The following TBC1D22A variants were observed in gnomAD, a reference collection of about 807,000 sequenced individuals.
The protein encoded by TBC1D22A is putative GTPase activator.
Under a neutral mutation model 60.2 loss-of-function variants are expected in TBC1D22A, and 38 were observed. The ratio of observed to expected loss-of-function variants is 0.63; its 90% confidence interval spans 0.49 to 0.83. The LOEUF is 0.83. Ranked by LOEUF, TBC1D22A falls within the 40% of genes least tolerant of loss-of-function variation. The probability of loss-of-function intolerance (pLI) is 0.00; values close to 1 mark genes in which losing one functional copy is unlikely to be tolerated. For synonymous variants in TBC1D22A, 302 were observed against 281.7 expected (o/e 1.07, Z -0.72); for missense variants, 628 against 701.0 (o/e 0.90, Z 1.18).
chr22:46,878,812 C>A (rs1262616710), intron 5 of TBC1D22A, 89 bp downstream of exon 5: 3 of 1,272,834 alleles, frequency 2.4e-6, no homozygotes, highest in African/African-American at 2.9e-5. Flanking sequence ...ACAGCCACAG[C>A]CCACGGGTTT....
At chr22:47,079,248 A>G (rs1045122347) in intron 11 of TBC1D22A, among the ~76,000 whole-genome samples, 4 of 151,976 alleles carry the variant, frequency 2.6e-5, no homozygotes, top group Non-Finnish European at 5.9e-5. Context: ...CAGCATGCCC[A>G]GCTAACTTTT....
intron 4 of TBC1D22A, among the ~76,000 whole-genome samples, chr22:46,823,450 C>G (rs924576845): frequency 1.2e-4 from 19 of 152,234 alleles, no homozygotes; most frequent in African/African-American, 4.3e-4. Context: ...ATTTGAGGTC[C>G]CCTGGGAAGG....
At chr22:46,828,732 C>T (rs1270827297) in intron 4 of TBC1D22A, among the ~76,000 whole-genome samples, 1 of 152,180 alleles carries the variant, frequency 6.6e-6, no homozygotes, top group Admixed American at 6.5e-5. Context: ...GGCCTTCTCC[C>T]ACCCTCCTGT....
intron 8 of TBC1D22A, among the ~76,000 whole-genome samples, chr22:46,923,874 G>C (rs2070897805): frequency 6.6e-6 from 1 of 152,060 alleles, no homozygotes; most frequent in Non-Finnish European, 1.5e-5. Flanking sequence ...GCTCTATTGA[G>C]ATCATGTAGC....
intron 8 of TBC1D22A, among the ~76,000 whole-genome samples, chr22:46,964,198 G>A (rs1003590709): frequency 1.3e-5 from 2 of 152,228 alleles, no homozygotes; most frequent in African/African-American, 4.8e-5. Flanking sequence ...CATTCTTTGT[G>A]TGAAGCCTAC....
chr22:47,000,691 T>C (rs970870406), intron 10 of TBC1D22A, among the ~76,000 whole-genome samples: 1 of 152,094 alleles, frequency 6.6e-6, no homozygotes, highest in Non-Finnish European at 1.5e-5. Flanking sequence ...AGAGGGTGAC[T>C]GGAGCCACTG....
chr22:46,848,147 C>G (rs1054670638), intron 4 of TBC1D22A, among the ~76,000 whole-genome samples: 1 of 152,204 alleles, frequency 6.6e-6, no homozygotes, highest in African/African-American at 2.4e-5. Flanking sequence ...TCATTAAGAG[C>G]GGCTTTAAAG....
intron 4 of TBC1D22A, among the ~76,000 whole-genome samples, chr22:46,826,450 A>G (rs993477691): frequency 2.0e-5 from 3 of 152,230 alleles, no homozygotes; most frequent in Non-Finnish European, 2.9e-5. Flanking sequence ...GCCTATTTTT[A>G]AGACTTGATC....
intron 4 of TBC1D22A, among the ~76,000 whole-genome samples, chr22:46,821,453 A>G (rs1286743200): frequency 6.6e-6 from 1 of 152,170 alleles, no homozygotes; most frequent in Non-Finnish European, 1.5e-5. Context: ...GGTGGTAACA[A>G]AATCCCTCAG....
intron 4 of TBC1D22A, among the ~76,000 whole-genome samples, chr22:46,838,452 T>A (rs915858256): frequency 4.6e-5 from 7 of 152,226 alleles, no homozygotes; most frequent in Admixed American, 3.9e-4. Context: ...CAGGACCAGA[T>A]GGCTTCACTG....
At chr22:47,073,306 C>G (rs372950311) in intron 11 of TBC1D22A, among the ~76,000 whole-genome samples, 1 of 152,198 alleles carries the variant, frequency 6.6e-6, no homozygotes, top group African/African-American at 2.4e-5. Context: ...TACTGAAGCA[C>G]AGAGTCTATT....
intron 11 of TBC1D22A, among the ~76,000 whole-genome samples, chr22:47,040,265 A>T (rs921727695): frequency 5.3e-5 from 8 of 151,870 alleles, no homozygotes; most frequent in African/African-American, 1.9e-4. Context: ...CTTTTAAACA[A>T]CCCGATCTCA....
chr22:46,776,894 G>A (rs1375518780), intron 1 of TBC1D22A, among the ~76,000 whole-genome samples: 1 of 152,032 alleles, frequency 6.6e-6, no homozygotes, highest in Non-Finnish European at 1.5e-5. Flanking sequence ...CCCAAGGCCT[G>A]TAGGAAGACC....
chr22:47,126,945 C>T (rs2066479456), intron 12 of TBC1D22A, among the ~76,000 whole-genome samples: 2 of 152,164 alleles, frequency 1.3e-5, no homozygotes, highest in African/African-American at 4.8e-5. Context: ...AGATGATGGA[C>T]GGAGGAGAGG....
chr22:46,764,718 GAC>G lies in TBC1D22A; in HGVS notation c.62+1878_62+1879del, dbSNP rs1283097509. On this transcript the variant is annotated intron_variant, in intron 1 of 12. Transcript: ENST00000337137. ...AAAGAGGGAAATTTGAATACAGAGA[GAC>G]ACACACAGGGAAATGGCCCTATGGA... Among the ~76,000 whole-genome samples the G allele has an allele frequency of 3.9e-5, 6 of 152,286 alleles. 1 individual carries two copies. The South Asian group carries it at 1.2e-3, about 32-fold the overall frequency.
chr22:46,918,240 C>T (rs1289232570), intron 8 of TBC1D22A, among the ~76,000 whole-genome samples: 1 of 152,250 alleles, frequency 6.6e-6, no homozygotes, highest in East Asian at 1.9e-4. Context: ...CGCATCTCTG[C>T]TCTGTCCCTG....
Position 46,805,993 on chromosome 22 carries a change from C to T in TBC1D22A, c.637+8373C>T, listed in dbSNP as rs545592965. Among the ~76,000 whole-genome samples, 178 of 136,356 alleles carry T rather than the reference C, an allele frequency of 1.3e-3. 2 individuals are homozygous for T. The highest frequency in any genetic ancestry group is 4.5e-3 in the African/African-American group (163 of 36,558). 89.5% of individuals were successfully genotyped at this position (136,356 alleles called of 152,430 possible). A position where few individuals can be genotyped will look rare whatever the true frequency, so the allele number is the denominator to read the frequency against. ...TCAACCTCCTGAGTAGCTGGGATTA[C>T]AGGCACCCACCACCACACCCGGCTA... On this transcript the variant is annotated intron_variant, in intron 4 of 12. Transcript: ENST00000337137.
chr22:47,161,340 A>G (rs1340404146), intron 12 of TBC1D22A, among the ~76,000 whole-genome samples: 2 of 81,860 alleles, frequency 2.4e-5, no homozygotes, highest in Admixed American at 1.2e-4. Flanking sequence ...GTCTCTTGGT[A>G]TGGGGGGCAC....
At chr22:47,045,980 G>T (rs907340415) in intron 11 of TBC1D22A, among the ~76,000 whole-genome samples, 3 of 152,214 alleles carry the variant, frequency 2.0e-5, no homozygotes, top group African/African-American at 7.2e-5. Flanking sequence ...GTCTTAGTGG[G>T]GATGGCCCTG....
Sources: gnomAD v4.1 joint callset for allele counts (sites outside exome capture counted in the v4.1 genomes callset) on GRCh38, gnomAD v4.1.1 for gene constraint, MANE v1.5 for transcripts, NCBI Gene and HGNC (gene_info 2026-07-23, HGNC 2026-07-21) for gene names.